C1QTNF7: variants seen among roughly 807,000 people sequenced by gnomAD.
The protein encoded by C1QTNF7 is complement C1q tumor necrosis factor-related protein 7.
A neutral mutation model predicts 19.6 loss-of-function variants in C1QTNF7; 15 were observed. The observed-to-expected ratio is 0.76, with a 90% CI of 0.51 to 1.18. The LOEUF is 1.18. Among genes scored for constraint, C1QTNF7 ranks in the 50% most tolerant of loss-of-function variants. C1QTNF7 has a pLI of 0.00. For synonymous variants in C1QTNF7, 142 were observed against 137.5 expected, an observed-to-expected ratio of 1.03 and a Z score of -0.23; for missense variants, 324 against 359.7, an observed-to-expected ratio of 0.90 and a Z score of 0.80.
intron 1 of C1QTNF7, among the ~76,000 whole-genome samples, chr4:15,407,197 G>A (rs1295692547): frequency 6.6e-6 from 1 of 152,072 alleles, no homozygotes; most frequent in Non-Finnish European, 1.5e-5. Flanking sequence ...CAGCCCCATT[G>A]GTGGTACAGC....
At chr4:15,342,465 C>T (rs577065286) in intron 1 of C1QTNF7, among the ~76,000 whole-genome samples, 46 of 152,190 alleles carry the variant, frequency 3.0e-4, no homozygotes, top group Non-Finnish European at 4.7e-4. Flanking sequence ...TTGAACGTGT[C>T]CTTGACAAAG....
At chr4:15,425,103 A>C (rs946031338), upstream of C1QTNF7, among the ~76,000 whole-genome samples, 5 of 152,068 alleles carry the variant, frequency 3.3e-5, no homozygotes, top group African/African-American at 1.2e-4. Flanking sequence ...CCAGATTTGT[A>C]TCACTACAAC....
chr4:15,443,057 G>T lies in C1QTNF7; in HGVS notation c.*258G>T, dbSNP rs1282201574. 1.4e-5 allele frequency: 4 copies of T among 281,598 alleles called. No homozygotes were observed. Among genetic ancestry groups the T allele is most frequent in the Middle Eastern group, 1.0e-3 (1 of 998 alleles). 17.4% of individuals were successfully genotyped at this position (281,598 alleles called of 1,614,324 possible). ...AATATTTAAGCAAATTAAAGACAATGTTAACAAATTTTCTATTAAATGCCC... is the reference window on the plus strand; with the variant it reads ...AATATTTAAGCAAATTAAAGACAATTTTAACAAATTTTCTATTAAATGCCC... On this transcript the variant is annotated 3_prime_UTR_variant, in exon 3 of 3. Transcript: ENST00000444304.
intron 1 of C1QTNF7, among the ~76,000 whole-genome samples, chr4:15,346,769 C>T (rs1298939749): frequency 6.6e-6 from 1 of 152,148 alleles, no homozygotes; most frequent in Admixed American, 6.5e-5. Flanking sequence ...CCCTCCTTTC[C>T]TTCATAATAA....
intron 1 of C1QTNF7, among the ~76,000 whole-genome samples, chr4:15,389,687 C>T (rs1215512363): frequency 2.0e-5 from 3 of 152,130 alleles, no homozygotes; most frequent in South Asian, 2.1e-4. Context: ...CCAAAGTGCT[C>T]GGATTACAGG....
Position 15,361,995 on chromosome 4 carries a change from C to T in C1QTNF7, c.13+21788C>T, listed in dbSNP as rs7690246. Among the ~76,000 whole-genome samples the T allele has an allele frequency of 5.7e-3, 870 of 152,240 alleles. 5 individuals are homozygous for T. Among genetic ancestry groups the T allele is most frequent in the African/African-American group, 0.02 (837 of 41,550 alleles). ...CTCCCCTCGAGGGGCAAAAGAGCAT[C>T]GTGGTGAACTGCAGGGCACAGAAGC... On this transcript the variant is annotated intron_variant, in intron 1 of 2. Transcript: ENST00000295297.
intron 1 of C1QTNF7, among the ~76,000 whole-genome samples, chr4:15,344,466 C>T (rs1716648885): frequency 6.6e-6 from 1 of 152,106 alleles, no homozygotes; most frequent in Non-Finnish European, 1.5e-5. Context: ...CTTTGACTAT[C>T]TCAACAGTCT....
At chr4:15,351,159 G>T (rs1431898075) in intron 1 of C1QTNF7, among the ~76,000 whole-genome samples, 3 of 152,136 alleles carry the variant, frequency 2.0e-5, no homozygotes, top group Admixed American at 2.0e-4. Context: ...TTCTTTTAGG[G>T]ATATGAAACA....
chr4:15,349,831 T>C (rs1466599441), intron 1 of C1QTNF7, among the ~76,000 whole-genome samples: 1 of 152,132 alleles, frequency 6.6e-6, no homozygotes, highest in African/African-American at 2.4e-5. Flanking sequence ...ACTCAAATCC[T>C]ATTTAGAAAG....
chr4:15,406,364 C>G (rs1296722167), intron 1 of C1QTNF7, among the ~76,000 whole-genome samples: 3 of 152,112 alleles, frequency 2.0e-5, no homozygotes, highest in Non-Finnish European at 4.4e-5. Flanking sequence ...GGATAACAGG[C>G]TAAGGGTAGA....
At chr4:15,383,897 G>A (rs1285884793) in intron 1 of C1QTNF7, among the ~76,000 whole-genome samples, 8 of 152,216 alleles carry the variant, frequency 5.3e-5, no homozygotes, top group African/African-American at 1.9e-4. Context: ...GACAAAAATT[G>A]AACATTTGTG....
chr4:15,432,394 C>T (rs928349079), intron 1 of C1QTNF7, among the ~76,000 whole-genome samples: 4 of 152,112 alleles, frequency 2.6e-5, no homozygotes, highest in African/African-American at 9.7e-5. Context: ...CACATTGTTC[C>T]TCAATTCTTT....
At chr4:15,404,440 C>T (rs1577260949) in intron 1 of C1QTNF7, among the ~76,000 whole-genome samples, 1 of 152,298 alleles carries the variant, frequency 6.6e-6, no homozygotes, top group South Asian at 2.1e-4. Context: ...GTCTTTAAAT[C>T]ATGGTGAAGG....
chr4:15,378,932 A>G (rs1718042789), intron 1 of C1QTNF7, among the ~76,000 whole-genome samples: 2 of 152,208 alleles, frequency 1.3e-5, no homozygotes, highest in African/African-American at 4.8e-5. Context: ...TTGTCTTTCA[A>G]TTAGCCTAAT....
At chr4:15,354,799 C>T (rs1305852699) in intron 1 of C1QTNF7, among the ~76,000 whole-genome samples, 1 of 151,982 alleles carries the variant, frequency 6.6e-6, no homozygotes, top group Non-Finnish European at 1.5e-5. Context: ...TTTCCTAGTG[C>T]TACAAGACAT....
chr4:15,385,167 G>C (rs534519610), intron 1 of C1QTNF7, among the ~76,000 whole-genome samples: 1 of 152,176 alleles, frequency 6.6e-6, no homozygotes, highest in Non-Finnish European at 1.5e-5. Flanking sequence ...AGAACTAAGC[G>C]CTCACCAAGT....
At chr4:15,344,193 T>G (rs1397332690) in intron 1 of C1QTNF7, among the ~76,000 whole-genome samples, 1 of 152,226 alleles carries the variant, frequency 6.6e-6, no homozygotes, top group Non-Finnish European at 1.5e-5. Context: ...TTAGAGTACT[T>G]GATTGGAATC....
At chr4:15,427,602 T>C (rs2108931499), upstream of C1QTNF7, among the ~76,000 whole-genome samples, 1 of 152,330 alleles carries the variant, frequency 6.6e-6, no homozygotes, top group East Asian at 1.9e-4. Flanking sequence ...CAGTGTTCAT[T>C]ATTCCACAAG....
rs528691234 is a variant in C1QTNF7 at position 15,372,574 on chromosome 4, T to TAACTG, written c.13+32369_13+32370insCTGAA. Among the ~76,000 whole-genome samples, 177 of 152,316 alleles carry TAACTG rather than the reference T, an allele frequency of 1.2e-3. 1 individual carries two copies. Among genetic ancestry groups the TAACTG allele is most frequent in the African/African-American group, 4.1e-3 (170 of 41,578 alleles). ...CTTACAGATGATAGAGTGCAAATCT[T>TAACTG]AAATAACATTCAAATAATAAATTAA... On this transcript the variant is annotated intron_variant, in intron 1 of 2. Coordinates refer to the C1QTNF7 transcript ENST00000295297.
Sources: gnomAD v4.1 joint callset for allele counts (sites outside exome capture counted in the v4.1 genomes callset) on GRCh38, gnomAD v4.1.1 for gene constraint, MANE v1.5 for transcripts, NCBI Gene and HGNC (gene_info 2026-07-23, HGNC 2026-07-21) for gene names.